Variants in CFAP91 observed in about 807,000 individuals in gnomAD.
The protein encoded by CFAP91 is cilia- and flagella-associated protein 91.
A neutral mutation model predicts 95.9 loss-of-function variants in CFAP91; 85 were observed. The ratio of observed to expected loss-of-function variants is 0.89; its 90% CI spans 0.74 to 1.06. The LOEUF (loss-of-function observed/expected upper bound fraction) is 1.06. Ranked by LOEUF, CFAP91 falls within the 50% of genes least tolerant of loss-of-function variation. The pLI, the probability that CFAP91 is intolerant of heterozygous loss-of-function variation, is 0.00. For synonymous variants in CFAP91, 335 were observed against 327.5 expected, an observed-to-expected ratio of 1.02 and a Z score of -0.25; for missense variants, 962 against 943.4, an observed-to-expected ratio of 1.02 and a Z score of -0.26.
At chr3:119,720,634 AAC>A (rs1308122478) in intron 6 of CFAP91, among the ~76,000 whole-genome samples, 2 of 152,224 alleles carry the variant, frequency 1.3e-5, no homozygotes, top group African/African-American at 2.4e-5. Context: ...TCTTTCAGGA[AAC>A]ACAGAATAAA....
chr3:119,738,431 C>T (rs2054055231), intron 11 of CFAP91, among the ~76,000 whole-genome samples: 1 of 139,012 alleles, frequency 7.2e-6, no homozygotes, highest in African/African-American at 2.6e-5. Flanking sequence ...TCACTGCAAC[C>T]TCTGCCTCCT....
chr3:119,708,723 A>G (rs773947076), intron 4 of CFAP91, 49 bp downstream of exon 4: 1 of 1,078,326 alleles, frequency 9.3e-7, no homozygotes, highest in Admixed American at 2.1e-5. Context: ...TTATTAGAGA[A>G]CCTCTTTATG....
rs762187278 is a variant in CFAP91 at position 119,726,222 on chromosome 3, G to A, written c.734G>A (p.Arg245His). The A allele has an allele frequency of 4.3e-5, 70 of 1,613,466 alleles. No individual in the cohort carries two copies. Among genetic ancestry groups the A allele is most frequent in the South Asian group, 2.3e-4 (21 of 91,004 alleles). ...QAEVEMIERA[R>H]EKRAWEASLP... ...GAGGTGGAGATGATAGAAAGAGCCC[G>A]CGAGAAGCGTGCTTGGGAAGCCTCT... The change falls in exon 7 of 18, where the codon CGC (arginine) becomes CAC (histidine). Residue 245 changes from arginine to histidine, a missense_variant. Physicochemically the swap from Arg to His is conservative, Grantham distance 29 (BLOSUM62 0). Transcript: ENST00000273390.
chr3:119,743,460 T>C lies in CFAP91; in HGVS notation c.1681-515T>C, dbSNP rs577027333. On this transcript the variant is annotated intron_variant, in intron 13 of 17. Transcript: ENST00000273390. ...AATATTGTTGTTAATGACTTCAAAG[T>C]TATTAAAAAAGTAAAAAGTACCAAG... 2.6e-5 allele frequency among the ~76,000 whole-genome samples: 4 copies of C among 152,302 alleles called. No homozygotes were observed. In the South Asian group the frequency reaches 6.2e-4, roughly 24 times the overall value.
intron 17 of CFAP91, among the ~76,000 whole-genome samples, chr3:119,761,270 G>A (rs1472525451): frequency 6.6e-6 from 1 of 151,626 alleles, no homozygotes; most frequent in African/African-American, 2.4e-5. Flanking sequence ...AGAAGAAATG[G>A]ATGTCTAGAC....
In CFAP91 at chr3:119,730,168, C is replaced by T; in HGVS notation, c.861-52C>T. The T allele has an allele frequency of 3.2e-6, 5 of 1,563,616 alleles. No individual in the cohort carries two copies. In the South Asian group the frequency reaches 5.9e-5, roughly 19 times the overall value. ...CCTGTCTGTGGCAGCTGTTCCCTTGCCCTCTGTTTGAGATGCCATATGCTT... is the reference window on the plus strand; with the variant it reads ...CCTGTCTGTGGCAGCTGTTCCCTTGTCCTCTGTTTGAGATGCCATATGCTT... On this transcript the variant is annotated intron_variant, in intron 7 of 17. Transcript: ENST00000273390.
chr3:119,752,623 A>G (rs1448893188), intron 17 of CFAP91, among the ~76,000 whole-genome samples: 3 of 152,206 alleles, frequency 2.0e-5, no homozygotes, highest in Admixed American at 1.3e-4. Context: ...CATTTTTCTG[A>G]CATGCAAATT....
chr3:119,722,653 T>G (rs1229605956), intron 6 of CFAP91, among the ~76,000 whole-genome samples: 1 of 151,986 alleles, frequency 6.6e-6, no homozygotes, highest in Non-Finnish European at 1.5e-5. Flanking sequence ...CATGCCATGC[T>G]AATTAAAAAA....
At chr3:119,759,640 AG>A in intron 17 of CFAP91, among the ~76,000 whole-genome samples, 1 of 152,160 alleles carries the variant, frequency 6.6e-6, no homozygotes, top group East Asian at 1.9e-4. Context: ...TTTAGTATGA[AG>A]GTTAAAAGAC....
At chr3:119,715,471 C>A in intron 5 of CFAP91, 91 bp from the exon 6 acceptor site, 1 of 1,102,856 alleles carries the variant, frequency 9.1e-7, no homozygotes, top group South Asian at 1.3e-5. Context: ...ATGGACTTGA[C>A]AAAGCTTCGA....
Position 119,756,592 on chromosome 3 carries a change from A to G in CFAP91, c.*1+5494A>G, listed in dbSNP as rs76222262. Among the ~76,000 whole-genome samples the G allele has an allele frequency of 3.2e-3, 488 of 152,322 alleles. 14 individuals are homozygous for G. The East Asian group carries it at 0.08, about 25-fold the overall frequency. On this transcript the variant is annotated intron_variant, in intron 17 of 17. Transcript: ENST00000273390. ...AGGAGCAATGCAGTTATAAAACAAA[A>G]GAGTAATATATAAGTCAGAAGAGGG...
At chr3:119,730,412 A>G (rs566283831) in intron 8 of CFAP91, 35 bp downstream of exon 8, 1 of 1,591,758 alleles carries the variant, frequency 6.3e-7, no homozygotes, top group African/African-American at 1.4e-5. Context: ...AGACGGTGGA[A>G]AAGTGGGCTT....
chr3:119,706,548 C>A (rs1368950371), intron 1 of CFAP91: 7 of 426,220 alleles, frequency 1.6e-5, no homozygotes, highest in Non-Finnish European at 2.6e-5. Context: ...TGAAAACATG[C>A]TAGACTTTCT....
At chr3:119,739,100 A>G (rs563119256) in intron 11 of CFAP91, among the ~76,000 whole-genome samples, 155 bp from the exon 12 acceptor site, 4 of 152,310 alleles carry the variant, frequency 2.6e-5, no homozygotes, top group African/African-American at 9.6e-5. Flanking sequence ...AAAATACTAT[A>G]TGTTCAATAA....
chr3:119,727,461 C>T (rs922228373), intron 7 of CFAP91, among the ~76,000 whole-genome samples: 8 of 152,212 alleles, frequency 5.3e-5, no homozygotes, highest in African/African-American at 1.4e-4. Flanking sequence ...AGAGTGAAAA[C>T]GTCATCTGAG....
chr3:119,750,827 G>C, intron 16 of CFAP91, 110 bp from the exon 17 acceptor site: 1 of 1,212,192 alleles, frequency 8.2e-7, no homozygotes, highest in East Asian at 2.5e-5. Context: ...ATTTGGGTTG[G>C]GTTTTACCTT....
chr3:119,763,971 T>C (rs2054584306), intron 17 of CFAP91, among the ~76,000 whole-genome samples: 1 of 152,006 alleles, frequency 6.6e-6, no homozygotes, highest in African/African-American at 2.4e-5. Context: ...CAAAGAGAGA[T>C]TTTAAGCACC....
At chr3:119,721,452 A>G (rs2053682798) in intron 6 of CFAP91, among the ~76,000 whole-genome samples, 1 of 152,266 alleles carries the variant, frequency 6.6e-6, no homozygotes, top group South Asian at 2.1e-4. Context: ...CTACTATTTA[A>G]CAACGTAGAG....
intron 17 of CFAP91, among the ~76,000 whole-genome samples, chr3:119,754,963 C>T (rs774336215): frequency 3.9e-5 from 6 of 152,198 alleles, no homozygotes; most frequent in Non-Finnish European, 8.8e-5. Context: ...CTTGCCAGGT[C>T]GTGGACTTGC....
Sources: gnomAD v4.1 joint callset for allele counts (sites outside exome capture counted in the v4.1 genomes callset) on GRCh38, gnomAD v4.1.1 for gene constraint, MANE v1.5 for transcripts, NCBI Gene and HGNC (gene_info 2026-07-23, HGNC 2026-07-21) for gene names.